CASZ1: variants seen among roughly 807,000 people sequenced by gnomAD.
CASZ1 encodes the protein castor zinc finger 1, also known as zinc finger protein castor homolog 1.
A neutral mutation model predicts 135.2 loss-of-function variants in CASZ1; 28 were observed. The ratio of observed to expected loss-of-function variants is 0.21; its 90% CI spans 0.15 to 0.28. The LOEUF is 0.28. Ranked by LOEUF, CASZ1 falls within the 10% of genes least tolerant of loss-of-function variation. The pLI is 1.00. For synonymous variants in CASZ1, 1,068 were observed against 1,073.4 expected, an observed-to-expected ratio of 0.99 and a Z score of 0.10; for missense variants, 2,161 against 2,453.3, an observed-to-expected ratio of 0.88 and a Z score of 2.52.
At position 10,659,847 on chromosome 1, in the gene CASZ1, G is replaced by T; in HGVS notation, c.1195C>A (p.Pro399Thr). The part of the protein sequence containing the change: ...VPPTPSLAPA[P>T]LASVPSAPSA... The stretch of plus-strand genomic sequence containing the variant: ...GGGGCACTGGGCACGCTGGCGAGGG[G>T]TGCGGGAGCCAGGCTGGGGGTGGGC... Residue 399 changes from proline to threonine, a missense_variant, in exon 6 of 21, where the codon CCC becomes ACC. This residue lies in a region of CASZ1 where 590 missense variants were observed against 609.8 expected (regional missense o/e 0.97). Coordinates refer to ENST00000377022, the MANE Select transcript of CASZ1 (RefSeq NM_001079843.3). The T allele has an allele frequency of 6.2e-7, 1 of 1,612,256 alleles. No individual in the cohort carries two copies. The highest frequency in any genetic ancestry group is 8.5e-7 in the Non-Finnish European group (1 of 1,179,196).
intron 1 of CASZ1, among the ~76,000 whole-genome samples, chr1:10,793,287 A>G (rs1157715967): frequency 6.6e-6 from 1 of 152,042 alleles, no homozygotes; most frequent in African/African-American, 2.4e-5. Flanking sequence ...TTAAATGATG[A>G]TGCAACTTAG....
At position 10,717,753 on chromosome 1, in the gene CASZ1, G is replaced by A. The variant is rs1481886223; in HGVS notation, c.-76-12209C>T. Among the ~76,000 whole-genome samples the A allele has an allele frequency of 6.6e-6, 1 of 152,168 alleles. No homozygotes were observed. Among genetic ancestry groups the A allele is most frequent in the East Asian group, 1.9e-4 (1 of 5,190 alleles). On this transcript the variant is annotated intron_variant, in intron 2 of 20. Coordinates refer to ENST00000377022, the MANE Select transcript of CASZ1 (RefSeq NM_001079843.3). This position sits in a 1 kb window ranked among gnomAD's most constrained non-coding sequence, Gnocchi z 4.6. ...ACCCTGAACTCGGTCCCAGGGCGTG[G>A]CATGGGGCTTCCTGACCCAACTCTG...
intron 2 of CASZ1, among the ~76,000 whole-genome samples, chr1:10,758,467 G>A (rs1212868656): frequency 3.9e-5 from 6 of 151,932 alleles, no homozygotes; most frequent in Admixed American, 3.3e-4. Flanking sequence ...AAGTAGCTGG[G>A]ATTACAGGCA....
chr1:10,766,559 G>A (rs1024734105), intron 1 of CASZ1, among the ~76,000 whole-genome samples: 1 of 152,202 alleles, frequency 6.6e-6, no homozygotes, highest in Non-Finnish European at 1.5e-5. Context: ...CGGGCTGAAA[G>A]GTGGGGGAAG....
rs182888749 is a variant in CASZ1, at chr1:10,785,485, C to A, written c.-234+11079G>T. 3.5e-3 allele frequency among the ~76,000 whole-genome samples: 527 copies of A among 152,312 alleles called. 2 individuals carry two copies. The highest frequency in any genetic ancestry group is 0.012 in the African/African-American group (501 of 41,564). On this transcript the variant is annotated intron_variant, in intron 1 of 20. Transcript: ENST00000377022. ...GGAGAGGCCGATGGAGTTTCATACA[C>A]CTCATCTTCCATAAGTGCCCCTCGC...
rs192754722 is a variant in CASZ1, at chr1:10,736,064, C to T, written c.-77+24637G>A. Reference sequence around the variant, plus strand: ...GCAACAGACCACCCCAAGTCATGAACGATGTCCCAGTGGCCACACCCAACC... The same window carrying T: ...GCAACAGACCACCCCAAGTCATGAATGATGTCCCAGTGGCCACACCCAACC... On this transcript the variant is annotated intron_variant, in intron 2 of 20. Coordinates refer to ENST00000377022, the MANE Select transcript of CASZ1 (RefSeq NM_001079843.3). Among the ~76,000 whole-genome samples, 6 of 152,270 alleles carry T rather than the reference C, an allele frequency of 3.9e-5. No individual in the cohort carries two copies. In the East Asian group the frequency reaches 7.7e-4, roughly 20 times the overall value.
chr1:10,740,749 G>A (rs1639901260), intron 2 of CASZ1, among the ~76,000 whole-genome samples: 1 of 152,110 alleles, frequency 6.6e-6, no homozygotes, highest in South Asian at 2.1e-4. Flanking sequence ...AGGAGTTCAA[G>A]ACCAGCCTGG....
intron 4 of CASZ1, among the ~76,000 whole-genome samples, chr1:10,673,817 CAGAG>C (rs1242199984): frequency 3.3e-5 from 5 of 152,106 alleles, no homozygotes; most frequent in Non-Finnish European, 7.4e-5. Flanking sequence ...CAGGAGAGCC[CAGAG>C]AGTAAGGGTC....
At position 10,794,922 on chromosome 1, in the gene CASZ1, C is replaced by T. The variant is rs1641035537; in HGVS notation, c.-234+1642G>A. 6.6e-6 allele frequency among the ~76,000 whole-genome samples: 1 copy of T among 150,966 alleles called. No individual in the cohort carries two copies. On this transcript the variant is annotated intron_variant, in intron 1 of 20. Coordinates refer to ENST00000377022, the MANE Select transcript of CASZ1 (RefSeq NM_001079843.3). This position sits in a 1 kb window ranked among gnomAD's most constrained non-coding sequence, Gnocchi z 5.6. ...CGCCCGGCCAGCCCCCGCCAGCGGCCCCAGCGCGCCTCTGCCCGCACCTCG... is the reference window on the plus strand; with the variant it reads ...CGCCCGGCCAGCCCCCGCCAGCGGCTCCAGCGCGCCTCTGCCCGCACCTCG...
At position 10,776,633 on chromosome 1, in the gene CASZ1, G is replaced by A. The variant is rs1557565312; in HGVS notation, c.-233-15776C>T. Among the ~76,000 whole-genome samples the A allele has an allele frequency of 1.3e-5, 2 of 152,224 alleles. No homozygotes were observed. Among genetic ancestry groups the A allele is most frequent in the African/African-American group, 2.4e-5 (1 of 41,440 alleles). On this transcript the variant is annotated intron_variant, in intron 1 of 20. Transcript: ENST00000377022. This position sits in a 1 kb window ranked among gnomAD's most constrained non-coding sequence, Gnocchi z 4.1. Reference sequence around the variant, plus strand: ...AGGCTCTCCCTGGTACCAGCTAGGGGCGGGAGCTCCTGGGAGTCCTGGGGA... The same window carrying A: ...AGGCTCTCCCTGGTACCAGCTAGGGACGGGAGCTCCTGGGAGTCCTGGGGA...
chr1:10,642,965 C>T lies in CASZ1; in HGVS notation c.4056G>A (p.Glu1352=), dbSNP rs1320081231. The T allele has an allele frequency of 6.2e-7, 1 of 1,613,106 alleles. No individual in the cohort carries two copies. The change falls in exon 20 of 21, where the codon GAG becomes GAA. Residue 1352 remains glutamate (E), a synonymous_variant. Transcript: ENST00000377022. ...PPGLMDAETD[E]CMDYTGCSPG... ...GGCTGCAGCCAGTGTAGTCCATGCA[C>T]TCATCTGTCTCAGCATCCATCAGGC...
intron 13 of CASZ1, 164 bp from the exon 14 acceptor site, chr1:10,649,601 C>G: frequency 2.6e-6 from 2 of 777,930 alleles, no homozygotes; most frequent in Non-Finnish European, 4.0e-6. Context: ...GCTGGGCCCT[C>G]TCTGAACAGA....
rs181883021 is a variant in CASZ1 at position 10,791,567 on chromosome 1, G to A, written c.-234+4997C>T. Reference sequence around the variant, plus strand: ...CTTTCAGTGGGTTTCCAGCCCAGGCGTGGACTGCACTGCTGAGGGCTGCGA... The same window carrying A: ...CTTTCAGTGGGTTTCCAGCCCAGGCATGGACTGCACTGCTGAGGGCTGCGA... On this transcript the variant is annotated intron_variant, in intron 1 of 20. Coordinates refer to ENST00000377022, the MANE Select transcript of CASZ1 (RefSeq NM_001079843.3). Among the ~76,000 whole-genome samples the A allele has an allele frequency of 5.5e-4, 84 of 152,234 alleles. 2 individuals are homozygous for A. Among genetic ancestry groups the A allele is most frequent in the Admixed American group, 3.9e-3 (59 of 15,298 alleles).
intron 1 of CASZ1, among the ~76,000 whole-genome samples, chr1:10,791,450 T>C (rs1305200446): frequency 6.6e-6 from 1 of 152,204 alleles, no homozygotes; most frequent in East Asian, 1.9e-4. Flanking sequence ...GAAATACTTA[T>C]TTTGGAGTGC....
At chr1:10,785,159 T>G (rs5007605) in intron 1 of CASZ1, among the ~76,000 whole-genome samples, 3,722 of 36,476 alleles carry the variant, frequency 0.1, 212 homozygotes, top group African/African-American at 0.18. Context: ...CTTCTTTCCT[T>G]CCTTCCTTCT....
Position 10,646,084 on chromosome 1 carries a change from C to A in CASZ1, c.3696+44G>T. The A allele has an allele frequency of 6.3e-7, 1 of 1,594,894 alleles. No individual in the cohort carries two copies. Among genetic ancestry groups the A allele is most frequent in the South Asian group, 1.1e-5 (1 of 90,420 alleles). On this transcript the variant is annotated intron_variant, in intron 17 of 20. Coordinates refer to ENST00000377022, the MANE Select transcript of CASZ1 (RefSeq NM_001079843.3). The surrounding 1 kb of genome is among the most constrained non-coding windows in gnomAD (Gnocchi z 6.4). ...GTGCCCTGAGCTAGCCCTGCACCTC[C>A]CTGCCCCCTACTCTGCCCCTGCGCC...
chr1:10,732,881 A>C (rs1211324210), intron 2 of CASZ1, among the ~76,000 whole-genome samples: 2 of 152,136 alleles, frequency 1.3e-5, no homozygotes, highest in Non-Finnish European at 2.9e-5. Flanking sequence ...TCTTGCCACC[A>C]GTGTGCAATT....
At chr1:10,658,338 G>T (rs375219860) in intron 7 of CASZ1, 170 bp downstream of exon 7, 6 of 611,936 alleles carry the variant, frequency 9.8e-6, no homozygotes, top group Admixed American at 7.9e-5. Context: ...GCTCCCAAAC[G>T]GGCGTGCAGG....
In CASZ1 at chr1:10,665,410, G is replaced by C; in HGVS notation, c.178C>G (p.Gln60Glu). The C allele has an allele frequency of 6.2e-7, 1 of 1,612,748 alleles. No homozygotes were observed. Among genetic ancestry groups the C allele is most frequent in the Non-Finnish European group, 8.5e-7 (1 of 1,179,726 alleles). The change falls in exon 5 of 21, where the codon CAG becomes GAG. Residue 60 changes from glutamine to glutamate, a missense_variant. Gln to Glu is a conservative substitution (Grantham distance 29). Coordinates refer to ENST00000377022, the MANE Select transcript of CASZ1 (RefSeq NM_001079843.3). ...AGSHTEGSPS[Q>E]PRDQERSGPE... Reference sequence around the variant, plus strand: ...CCACTGCGCTCTTGGTCCCGGGGCTGCGATGGGCTGCCCTCCGTGTGGGAG... The same window carrying C: ...CCACTGCGCTCTTGGTCCCGGGGCTCCGATGGGCTGCCCTCCGTGTGGGAG...
Sources: gnomAD v4.1 joint callset for allele counts (sites outside exome capture counted in the v4.1 genomes callset) on GRCh38, gnomAD v4.1.1 for gene constraint, gnomAD v4.1.1 regional missense constraint, Gnocchi (gnomAD v3.1) non-coding constraint, MANE v1.5 for transcripts, NCBI Gene and HGNC (gene_info 2026-07-23, HGNC 2026-07-21) for gene names.